CEP15: variants seen among roughly 807,000 people sequenced by gnomAD.
CEP15 encodes centrosomal protein 15 kDa.
the CEP15 span, among the ~76,000 whole-genome samples, chr3:62,323,139 AATGCTTAGAGG>A: frequency 2.0e-5 from 3 of 152,220 alleles, no homozygotes; most frequent in Non-Finnish European, 2.9e-5. Flanking sequence ...GTATTTGATG[AATGCTTAGAGG>A]GTCCTTACTA....
At chr3:62,321,528 T>C in the CEP15 span, among the ~76,000 whole-genome samples, 1 of 152,208 alleles carries the variant, frequency 6.6e-6, no homozygotes, top group African/African-American at 2.4e-5. This position sits in a 1 kb window ranked among gnomAD's most constrained non-coding sequence, Gnocchi z 4.1. Flanking sequence ...AGGTTTCATA[T>C]AGCAAGTTAT....
the CEP15 span, among the ~76,000 whole-genome samples, chr3:62,332,428 T>G: frequency 6.6e-6 from 1 of 152,112 alleles, no homozygotes; most frequent in Non-Finnish European, 1.5e-5. Context: ...TGCTATCTCA[T>G]TGGCTGAATT....
chr3:62,330,298 CA>C, the CEP15 span, among the ~76,000 whole-genome samples: 4 of 152,132 alleles, frequency 2.6e-5, no homozygotes, highest in Non-Finnish European at 5.9e-5. Context: ...TAGATTGCTC[CA>C]ATGCTTGTAC....
chr3:62,331,350 T>A, the CEP15 span: 1 of 1,612,902 alleles, frequency 6.2e-7, no homozygotes, highest in African/African-American at 1.3e-5. Flanking sequence ...GAAAAGTCAC[T>A]ACAGACCAGG....
chr3:62,327,872 G>A, the CEP15 span, among the ~76,000 whole-genome samples: 1,375 of 152,188 alleles, frequency 9.0e-3, 24 homozygotes, highest in African/African-American at 0.031. Context: ...GCAATGTTTC[G>A]ATCCCTTGCA....
the CEP15 span, chr3:62,333,204 C>A: frequency 6.3e-7 from 1 of 1,587,592 alleles, no homozygotes; most frequent in Non-Finnish European, 8.6e-7. This position sits in a 1 kb window ranked among gnomAD's most constrained non-coding sequence, Gnocchi z 4.0. Flanking sequence ...TTATGAAGAG[C>A]CAAGTTCAAT....
At chr3:62,322,326 T>G in the CEP15 span, 2 of 278,136 alleles carry the variant, frequency 7.2e-6, no homozygotes, top group African/African-American at 4.5e-5. The surrounding 1 kb of genome is among the most constrained non-coding windows in gnomAD (Gnocchi z 5.5). Context: ...GTCACCCTTT[T>G]GCAAGAAGTA....
the CEP15 span, among the ~76,000 whole-genome samples, chr3:62,324,480 G>T: frequency 6.6e-6 from 1 of 152,070 alleles, no homozygotes; most frequent in African/African-American, 2.4e-5. Flanking sequence ...TATTAGATTT[G>T]ATTCTCATGT....
chr3:62,326,148 C>T, the CEP15 span, among the ~76,000 whole-genome samples: 12 of 152,200 alleles, frequency 7.9e-5, no homozygotes, highest in African/African-American at 2.9e-4. Context: ...TGAGAGAATC[C>T]TTCCACTGAA....
At chr3:62,324,744 C>T in the CEP15 span, among the ~76,000 whole-genome samples, 9 of 152,196 alleles carry the variant, frequency 5.9e-5, no homozygotes, top group South Asian at 1.7e-3. Flanking sequence ...AGAAGTACAG[C>T]CTACACTTTA....
At chr3:62,332,769 C>T in the CEP15 span, among the ~76,000 whole-genome samples, 1 of 151,892 alleles carries the variant, frequency 6.6e-6, no homozygotes, top group African/African-American at 2.4e-5. Flanking sequence ...TACTATAACA[C>T]ACTAGTTGTA....
the CEP15 span, among the ~76,000 whole-genome samples, chr3:62,320,254 C>T: frequency 3.3e-5 from 5 of 152,206 alleles, no homozygotes; most frequent in African/African-American, 9.6e-5. Context: ...GTTGGGTTTA[C>T]CTAATTCATA....
chr3:62,328,957 G>C, the CEP15 span, among the ~76,000 whole-genome samples: 2 of 150,096 alleles, frequency 1.3e-5, no homozygotes, highest in Non-Finnish European at 3.0e-5. Context: ...TCTATGTAGT[G>C]GGTACTGATG....
the CEP15 span, among the ~76,000 whole-genome samples, chr3:62,328,852 G>A: frequency 6.6e-6 from 1 of 150,764 alleles, no homozygotes; most frequent in South Asian, 2.1e-4. Context: ...TTATATGGAA[G>A]TATTAGGGTA....
the CEP15 span, chr3:62,319,906 A>G: frequency 2.0e-5 from 3 of 152,368 alleles, no homozygotes; most frequent in East Asian, 5.8e-4. Flanking sequence ...AGTGCTTAGC[A>G]GCCAGGGGAA....
the CEP15 span, chr3:62,335,452 T>G: frequency 7.1e-6 from 1 of 139,902 alleles, no homozygotes. Flanking sequence ...CACCACATGG[T>G]GTCTGTTTAA....
At chr3:62,326,371 C>G in the CEP15 span, among the ~76,000 whole-genome samples, 2 of 152,048 alleles carry the variant, frequency 1.3e-5, no homozygotes, top group African/African-American at 4.8e-5. Context: ...TTTTTCTATC[C>G]CAGAAATTGG....
At chr3:62,326,863 A>G in the CEP15 span, among the ~76,000 whole-genome samples, 5 of 152,212 alleles carry the variant, frequency 3.3e-5, no homozygotes, top group African/African-American at 1.2e-4. Context: ...TTTTCTGTGT[A>G]TATCACTAAA....
chr3:62,330,560 G>T, the CEP15 span, among the ~76,000 whole-genome samples: 471 of 152,252 alleles, frequency 3.1e-3, 3 homozygotes, highest in African/African-American at 0.011. Flanking sequence ...GGGTATGAAT[G>T]AAGTTTAGTT....
Sources: allele counts gnomAD v4.1 joint callset (sites outside exome capture counted in the v4.1 genomes callset), GRCh38; gene constraint gnomAD v4.1.1; non-coding constraint Gnocchi (gnomAD v3.1); transcripts MANE v1.5; gene names NCBI Gene and HGNC (gene_info 2026-07-23, HGNC 2026-07-21).